The following IQCJ variants were observed in gnomAD, a reference collection of about 807,000 sequenced individuals.
IQCJ encodes IQ domain-containing protein J.
A neutral mutation model predicts 11.0 loss-of-function variants in IQCJ; 9 were observed. The observed-to-expected ratio is 0.82, with a 90% confidence interval of 0.49 to 1.43. The LOEUF (loss-of-function observed/expected upper bound fraction) is 1.43, where lower values mean the gene tolerates loss of function less well. Among genes scored for constraint, IQCJ ranks in the 40% most tolerant of loss-of-function variants. The pLI is 0.00. For missense variants in IQCJ, 146 were observed against 133.2 expected (o/e 1.10, Z -0.47); for synonymous variants, 55 against 51.3 (o/e 1.07, Z -0.31).
At chr3:159,127,354 G>A (rs1305773558) in intron 1 of IQCJ, among the ~76,000 whole-genome samples, 2 of 152,112 alleles carry the variant, frequency 1.3e-5, no homozygotes, top group African/African-American at 4.8e-5. Context: ...GGAAAGTTGG[G>A]CCAGAAACCT....
At chr3:159,115,763 GT>G (rs201647331) in intron 1 of IQCJ, among the ~76,000 whole-genome samples, 1 of 151,834 alleles carries the variant, frequency 6.6e-6, no homozygotes, top group East Asian at 1.9e-4. Flanking sequence ...CTAAAAAAAT[GT>G]TTTTTTTAAA....
chr3:159,233,252 A>T (rs1011005566), intron 1 of IQCJ, among the ~76,000 whole-genome samples: 2 of 152,126 alleles, frequency 1.3e-5, no homozygotes, highest in African/African-American at 4.8e-5. Flanking sequence ...ACTTGGTATG[A>T]AGTCCTGCCA....
chr3:159,264,217 T>C (rs1357805517), downstream of IQCJ, among the ~76,000 whole-genome samples: 1 of 152,172 alleles, frequency 6.6e-6, no homozygotes, highest in East Asian at 1.9e-4. Context: ...ATCTAAAAGT[T>C]TTAGTGTTGC....
intron 1 of IQCJ, among the ~76,000 whole-genome samples, chr3:159,199,977 A>C (rs1252653269): frequency 4.0e-5 from 6 of 148,322 alleles, no homozygotes; most frequent in African/African-American, 1.5e-4. Context: ...TTTCCTTCTG[A>C]AAAATAGGGA....
chr3:159,089,258 T>A (rs995004763), intron 1 of IQCJ, among the ~76,000 whole-genome samples: 2 of 152,200 alleles, frequency 1.3e-5, no homozygotes, highest in Non-Finnish European at 2.9e-5. Context: ...CCCACTCTCT[T>A]CTGGCTTGTA....
At chr3:159,265,490 A>C, downstream of IQCJ, 1 of 1,040,960 alleles carries the variant, frequency 9.6e-7, no homozygotes, top group Non-Finnish European at 1.4e-6. Flanking sequence ...TCCTCTAACA[A>C]CCATGAGTCC....
chr3:159,228,338 A>G (rs1237215165), intron 1 of IQCJ, among the ~76,000 whole-genome samples: 2 of 152,218 alleles, frequency 1.3e-5, no homozygotes, highest in Non-Finnish European at 2.9e-5. Context: ...ATCTCGGTTT[A>G]GAATAAAATA....
At chr3:159,259,045 C>G (rs1444773350) in intron 3 of IQCJ, among the ~76,000 whole-genome samples, 2 of 152,204 alleles carry the variant, frequency 1.3e-5, no homozygotes, top group Non-Finnish European at 2.9e-5. Flanking sequence ...CAAGCCTTCT[C>G]TAAGCACCCT....
chr3:159,210,234 T>G (rs1724877932), intron 1 of IQCJ, among the ~76,000 whole-genome samples: 1 of 152,208 alleles, frequency 6.6e-6, no homozygotes, highest in Non-Finnish European at 1.5e-5. Context: ...CTTTTTATTT[T>G]TTATCACCAA....
At chr3:159,073,679 C>G (rs898950842) in intron 1 of IQCJ, among the ~76,000 whole-genome samples, 2 of 152,084 alleles carry the variant, frequency 1.3e-5, no homozygotes, top group African/African-American at 4.8e-5. Flanking sequence ...TTCAGTCTCT[C>G]CACTGCCACA....
rs564632845 is a variant in IQCJ at position 159,201,602 on chromosome 3, A to G, written c.10-44241A>G. Among the ~76,000 whole-genome samples, 5 of 150,886 alleles carry G rather than the reference A, an allele frequency of 3.3e-5. No individual in the cohort carries two copies. In the East Asian group the frequency reaches 9.7e-4, roughly 29 times the overall value. ...AAGTCTGCTGAGAACTGGAAACAATAGAAACAAAACTGTTGATAATGATTC... is the reference window on the plus strand; with the variant it reads ...AAGTCTGCTGAGAACTGGAAACAATGGAAACAAAACTGTTGATAATGATTC... On this transcript the variant is annotated intron_variant, in intron 1 of 3. Transcript: ENST00000397832.
intron 3 of IQCJ, among the ~76,000 whole-genome samples, chr3:159,260,193 T>C (rs758430383): frequency 3.3e-5 from 5 of 152,214 alleles, no homozygotes; most frequent in Non-Finnish European, 1.5e-5. Context: ...CAAATTCCTT[T>C]GCAAACCTCT....
intron 1 of IQCJ, among the ~76,000 whole-genome samples, chr3:159,240,025 A>T (rs1315965935): frequency 6.6e-6 from 1 of 152,118 alleles, no homozygotes; most frequent in Non-Finnish European, 1.5e-5. Context: ...ACAATATATG[A>T]CCTAGATCTG....
At chr3:159,256,736 A>G (rs1727920231) in intron 3 of IQCJ, among the ~76,000 whole-genome samples, 1 of 152,232 alleles carries the variant, frequency 6.6e-6, no homozygotes, top group South Asian at 2.1e-4. Context: ...ACCTTTTTCA[A>G]ACATATTTTT....
chr3:159,253,596 C>A (rs1037203467), intron 3 of IQCJ, among the ~76,000 whole-genome samples: 1 of 126,006 alleles, frequency 7.9e-6, no homozygotes, highest in Non-Finnish European at 1.7e-5. Context: ...TCTCTCCCCA[C>A]CCTCTCCCTC....
At chr3:159,181,925 C>A (rs1723111649) in intron 1 of IQCJ, among the ~76,000 whole-genome samples, 1 of 151,814 alleles carries the variant, frequency 6.6e-6, no homozygotes, top group South Asian at 2.1e-4. Context: ...TCAATCATGC[C>A]ATTCCCCTCT....
intron 1 of IQCJ, among the ~76,000 whole-genome samples, chr3:159,088,234 T>C (rs1353783162): frequency 2.0e-5 from 3 of 152,012 alleles, no homozygotes; most frequent in Non-Finnish European, 4.4e-5. Flanking sequence ...CGGTTTTGAG[T>C]GAGATTCTTA....
intron 1 of IQCJ, among the ~76,000 whole-genome samples, chr3:159,158,240 C>G (rs980055363): frequency 1.3e-5 from 2 of 152,172 alleles, no homozygotes; most frequent in African/African-American, 4.8e-5. Flanking sequence ...AGCAGCAGTT[C>G]TAGAAGCTGC....
At chr3:159,227,741 A>C (rs1262426677) in intron 1 of IQCJ, among the ~76,000 whole-genome samples, 1 of 152,232 alleles carries the variant, frequency 6.6e-6, no homozygotes, top group Non-Finnish European at 1.5e-5. Flanking sequence ...GCCTTTACCC[A>C]AAGACTATGT....
Sources: allele counts gnomAD v4.1 joint callset (sites outside exome capture counted in the v4.1 genomes callset), GRCh38; gene constraint gnomAD v4.1.1; transcripts MANE v1.5; gene names NCBI Gene and HGNC (gene_info 2026-07-23, HGNC 2026-07-21).